The following KCND2 variants were observed in gnomAD, a reference collection of about 807,000 sequenced individuals.
KCND2 encodes potassium voltage-gated channel subfamily D member 2.
In KCND2, 16 loss-of-function variants were observed where a neutral mutation model predicts 54.4. That is an observed-to-expected ratio of 0.29 (90% CI 0.20 to 0.45). The LOEUF is 0.45. Among genes scored for constraint, KCND2 ranks in the 20% least tolerant of loss-of-function variants. KCND2 has a pLI of 1.00. For missense variants in KCND2, 486 were observed against 824.2 expected (o/e 0.59, Z 5.02); for synonymous variants, 317 against 310.7 (o/e 1.02, Z -0.21).
chr7:120,634,195 C>T (rs796874536), intron 1 of KCND2, among the ~76,000 whole-genome samples: 1 of 152,096 alleles, frequency 6.6e-6, no homozygotes, highest in African/African-American at 2.4e-5. Context: ...ACTCTTTGAG[C>T]CTTAGCTGCT....
chr7:120,636,196 A>T (rs147260242), intron 1 of KCND2, among the ~76,000 whole-genome samples: 615 of 152,224 alleles, frequency 4.0e-3, no homozygotes, highest in Middle Eastern at 0.031. Context: ...TATGTGTTAG[A>T]GAAGGGACAT....
At chr7:120,685,480 A>T (rs570570982) in intron 1 of KCND2, among the ~76,000 whole-genome samples, 4 of 152,268 alleles carry the variant, frequency 2.6e-5, no homozygotes, top group African/African-American at 9.6e-5. Context: ...TTGATATCGG[A>T]TGCTGCAGTG....
intron 1 of KCND2, among the ~76,000 whole-genome samples, chr7:120,344,608 A>G (rs1800287449): frequency 6.6e-6 from 1 of 152,152 alleles, no homozygotes; most frequent in South Asian, 2.1e-4. Flanking sequence ...TACTAACACT[A>G]GAGGTAAACT....
At chr7:120,336,477 C>T (rs189181174) in intron 1 of KCND2, among the ~76,000 whole-genome samples, 138 of 151,970 alleles carry the variant, frequency 9.1e-4, no homozygotes, top group Non-Finnish European at 1.8e-3. Context: ...AGCCAGGTTC[C>T]GTATATTATA....
At chr7:120,457,708 C>A (rs1802220095) in intron 1 of KCND2, among the ~76,000 whole-genome samples, 1 of 152,106 alleles carries the variant, frequency 6.6e-6, no homozygotes, top group African/African-American at 2.4e-5. Flanking sequence ...CCAGACTTTC[C>A]CAGATTTTCT....
At chr7:120,297,137 G>A (rs941883786) in intron 1 of KCND2, among the ~76,000 whole-genome samples, 2 of 151,914 alleles carry the variant, frequency 1.3e-5, no homozygotes, top group Non-Finnish European at 2.9e-5. Flanking sequence ...CACGTACATT[G>A]TATCTATTAA....
At chr7:120,462,150 T>G (rs1031231756) in intron 1 of KCND2, among the ~76,000 whole-genome samples, 5 of 148,364 alleles carry the variant, frequency 3.4e-5, no homozygotes, top group Admixed American at 1.4e-4. Context: ...TAGTGTTATT[T>G]CCTTAGCACA....
intron 1 of KCND2, among the ~76,000 whole-genome samples, chr7:120,295,603 G>A (rs1270147353): frequency 1.3e-5 from 2 of 151,862 alleles, no homozygotes; most frequent in Admixed American, 6.6e-5. Context: ...TAAAGAGTGG[G>A]AAGAATATTC....
chr7:120,551,056 G>C (rs1792099472), intron 1 of KCND2, among the ~76,000 whole-genome samples: 2 of 152,108 alleles, frequency 1.3e-5, no homozygotes, highest in South Asian at 4.1e-4. Context: ...GTTCAATATA[G>C]CCTCATGGCT....
At chr7:120,509,385 A>G (rs1399399455) in intron 1 of KCND2, among the ~76,000 whole-genome samples, 7 of 152,098 alleles carry the variant, frequency 4.6e-5, no homozygotes, top group Admixed American at 4.6e-4. Flanking sequence ...ATATGTATAT[A>G]CGCTCTGGAA....
intron 1 of KCND2, among the ~76,000 whole-genome samples, chr7:120,640,434 T>G (rs1408335951): frequency 6.6e-6 from 1 of 152,208 alleles, no homozygotes; most frequent in African/African-American, 2.4e-5. Context: ...TTGTAAGTCT[T>G]GTTTATCAAC....
intron 1 of KCND2, among the ~76,000 whole-genome samples, chr7:120,491,330 A>G (rs1378653277): frequency 2.0e-5 from 3 of 152,168 alleles, no homozygotes; most frequent in Non-Finnish European, 4.4e-5. Flanking sequence ...CCTACTATGC[A>G]CAAGGAACTA....
chr7:120,339,306 C>T (rs1373401342), intron 1 of KCND2, among the ~76,000 whole-genome samples: 1 of 151,924 alleles, frequency 6.6e-6, no homozygotes, highest in Non-Finnish European at 1.5e-5. Flanking sequence ...TATTCAAGCA[C>T]AGACTAGAAA....
At chr7:120,480,028 A>T (rs1290233185) in intron 1 of KCND2, among the ~76,000 whole-genome samples, 1 of 151,010 alleles carries the variant, frequency 6.6e-6, no homozygotes, top group African/African-American at 2.4e-5. Flanking sequence ...CTAGAAATGT[A>T]TTTAACTGCA....
chr7:120,602,330 C>T (rs185557328), intron 1 of KCND2, among the ~76,000 whole-genome samples: 39 of 152,268 alleles, frequency 2.6e-4, no homozygotes, highest in Non-Finnish European at 4.4e-4. Flanking sequence ...TCCACAAGTG[C>T]ACCACTGAGC....
chr7:120,658,304 A>T (rs892624958), intron 1 of KCND2, among the ~76,000 whole-genome samples: 1 of 152,112 alleles, frequency 6.6e-6, no homozygotes. Context: ...GTACTCTTTC[A>T]TGGATTAGAT....
At chr7:120,445,610 T>C (rs1231455617) in intron 1 of KCND2, among the ~76,000 whole-genome samples, 1 of 152,148 alleles carries the variant, frequency 6.6e-6, no homozygotes, top group African/African-American at 2.4e-5. Flanking sequence ...GCTTAGCACA[T>C]AGTGAATGGA....
In KCND2 at chr7:120,287,730, G is replaced by C. The variant is rs887976087; in HGVS notation, c.1115+11983G>C. ...ATGGTGGAGTGCACCTGTAATCCCA[G>C]ATACTTGGGAGGCTGAAGTAGGAGA... On this transcript the variant is annotated intron_variant, in intron 1 of 5. Coordinates refer to ENST00000331113, the MANE Select transcript of KCND2 (RefSeq NM_012281.3). Among the ~76,000 whole-genome samples, 3 of 152,146 alleles carry C rather than the reference G, an allele frequency of 2.0e-5. No individual in the cohort carries two copies. The Middle Eastern group carries it at 0.01, about 518-fold the overall frequency.
intron 1 of KCND2, among the ~76,000 whole-genome samples, chr7:120,583,838 GA>G (rs34868636): frequency 1.3e-5 from 2 of 151,360 alleles, no homozygotes; most frequent in Non-Finnish European, 2.9e-5. Flanking sequence ...GTAATTGTGT[GA>G]AAAAAAGCAA....
Sources: allele counts gnomAD v4.1 joint callset (sites outside exome capture counted in the v4.1 genomes callset), GRCh38; gene constraint gnomAD v4.1.1; transcripts MANE v1.5; gene names NCBI Gene and HGNC (gene_info 2026-07-23, HGNC 2026-07-21).